Variants in KAZN observed in about 807,000 individuals in gnomAD.
KAZN encodes kazrin, periplakin interacting protein, also known as kazrin.
Under a neutral mutation model 87.4 loss-of-function variants are expected in KAZN, and 40 were observed. That is an observed-to-expected ratio of 0.46 (90% confidence interval 0.36 to 0.60). The LOEUF (loss-of-function observed/expected upper bound fraction) is 0.60. Ranked by LOEUF, KAZN falls within the 20% of genes least tolerant of loss-of-function variation. The pLI is 0.00. For synonymous variants in KAZN, 466 were observed against 458.3 expected (o/e 1.02, Z -0.22); for missense variants, 898 against 1,073.9 (o/e 0.84, Z 2.29).
chr1:15,066,930 C>A lies in KAZN; in HGVS notation c.1222+1177C>A. On this transcript the variant is annotated intron_variant, in intron 8 of 14. Coordinates refer to ENST00000376030, the MANE Select transcript of KAZN (RefSeq NM_201628.3). The surrounding 1 kb of genome is among the most constrained non-coding windows in gnomAD (Gnocchi z 4.3). Reference sequence around the variant, plus strand: ...ATATTTATTTATCTGACATACAGAACACGACTTTAGTGAGCAGAGTGCTGA... The same window carrying A: ...ATATTTATTTATCTGACATACAGAAAACGACTTTAGTGAGCAGAGTGCTGA... The A allele has an allele frequency of 1.1e-5, 11 of 985,470 alleles. No homozygotes were observed. Among genetic ancestry groups the A allele is most frequent in the Non-Finnish European group, 1.3e-5 (11 of 829,954 alleles). The allele number at this position is 985,470 out of a possible 1,614,324, so 61.0% of individuals were successfully genotyped here.
At chr1:14,025,914 C>T (rs1456892200) in intron 1 of KAZN, among the ~76,000 whole-genome samples, 1 of 152,100 alleles carries the variant, frequency 6.6e-6, no homozygotes, top group Non-Finnish European at 1.5e-5. Flanking sequence ...ACTATAGACT[C>T]TTCAACTGGA....
At chr1:14,870,825 C>T (rs1260783624) in intron 1 of KAZN, among the ~76,000 whole-genome samples, 2 of 152,288 alleles carry the variant, frequency 1.3e-5, no homozygotes, top group East Asian at 3.9e-4. Context: ...CTCATTATTA[C>T]ATATATGAAT....
chr1:14,415,247 T>C (rs1664653379), intron 2 of KAZN, among the ~76,000 whole-genome samples: 1 of 152,104 alleles, frequency 6.6e-6, no homozygotes, highest in African/African-American at 2.4e-5. Context: ...TTTTAATTAG[T>C]AAAAGTAAAT....
At chr1:14,203,004 C>G (rs1327073340) in intron 2 of KAZN, among the ~76,000 whole-genome samples, 1 of 151,952 alleles carries the variant, frequency 6.6e-6, no homozygotes, top group Non-Finnish European at 1.5e-5. Flanking sequence ...GCGACAAGAG[C>G]AAAACTCCGT....
At chr1:14,003,515 A>T (rs1639900468) in intron 1 of KAZN, among the ~76,000 whole-genome samples, 3 of 152,096 alleles carry the variant, frequency 2.0e-5, no homozygotes. Flanking sequence ...ATAAGAGTAT[A>T]ATACTGACAC....
intron 1 of KAZN, among the ~76,000 whole-genome samples, chr1:14,617,532 C>T (rs953172743): frequency 4.6e-5 from 7 of 152,148 alleles, no homozygotes; most frequent in African/African-American, 1.2e-4. Flanking sequence ...TTGGTATCTA[C>T]GAAGCGCAGT....
At chr1:14,221,567 G>T (rs1647098772) in intron 2 of KAZN, among the ~76,000 whole-genome samples, 1 of 152,016 alleles carries the variant, frequency 6.6e-6, no homozygotes, top group African/African-American at 2.4e-5. Flanking sequence ...GAAAATCACT[G>T]CAGAGCTTGC....
intron 2 of KAZN, among the ~76,000 whole-genome samples, chr1:14,473,519 T>C (rs1319601407): frequency 6.6e-6 from 1 of 151,190 alleles, no homozygotes; most frequent in African/African-American, 2.4e-5. Flanking sequence ...TCCAGCTACT[T>C]GGGAAGCTGA....
chr1:14,116,420 T>A (rs12062438), intron 1 of KAZN, among the ~76,000 whole-genome samples: 12,765 of 152,170 alleles, frequency 0.084, 1,041 homozygotes, highest in African/African-American at 0.21. Context: ...CTTCAGAGGG[T>A]GCAAGCCTCA....
intron 1 of KAZN, among the ~76,000 whole-genome samples, chr1:13,972,366 C>G (rs552857587): frequency 6.6e-6 from 1 of 151,190 alleles, no homozygotes; most frequent in Non-Finnish European, 1.5e-5. Flanking sequence ...CTCTGCCTCC[C>G]GAATGCCACC....
chr1:14,004,367 A>G (rs1639944758), intron 1 of KAZN, among the ~76,000 whole-genome samples: 1 of 152,256 alleles, frequency 6.6e-6, no homozygotes, highest in Non-Finnish European at 1.5e-5. Context: ...TCTGAAATGC[A>G]TATGTATGTT....
Position 14,743,362 on chromosome 1 carries a change from G to A in KAZN, c.226+144139G>A, listed in dbSNP as rs766524073. On this transcript the variant is annotated intron_variant, in intron 1 of 14. Transcript: ENST00000376030. ...GGAGAATCACTTGAACCTGGGAGGC[G>A]GAGGTTACAGTGAGCTGAGATCGCG... is the stretch of plus-strand genomic sequence containing the variant. Among the ~76,000 whole-genome samples the A allele has an allele frequency of 8.6e-5, 13 of 151,942 alleles. 1 individual carries two copies. Among genetic ancestry groups the A allele is most frequent in the South Asian group, 4.2e-4 (2 of 4,814 alleles).
chr1:14,634,497 T>C (rs1679816655), intron 1 of KAZN, among the ~76,000 whole-genome samples: 1 of 152,268 alleles, frequency 6.6e-6, no homozygotes, highest in African/African-American at 2.4e-5. Flanking sequence ...AGGTCCATCA[T>C]TGCTTCTCAT....
At chr1:14,006,715 A>T (rs1218246416) in intron 1 of KAZN, among the ~76,000 whole-genome samples, 1 of 152,120 alleles carries the variant, frequency 6.6e-6, no homozygotes, top group Non-Finnish European at 1.5e-5. Flanking sequence ...TGCCAGTACC[A>T]TCCTGTTTTG....
At chr1:14,768,941 C>T (rs934418933) in intron 1 of KAZN, among the ~76,000 whole-genome samples, 1 of 152,216 alleles carries the variant, frequency 6.6e-6, no homozygotes, top group Admixed American at 6.5e-5. Context: ...TTAAAAAGTA[C>T]CATCACATTG....
chr1:14,355,086 G>A (rs989652325), intron 2 of KAZN, among the ~76,000 whole-genome samples: 8 of 152,044 alleles, frequency 5.3e-5, no homozygotes, highest in African/African-American at 1.2e-4. Context: ...GAAAAAGCCC[G>A]ACACCAAAGA....
At chr1:14,767,918 AAT>A (rs2100577840) in intron 1 of KAZN, among the ~76,000 whole-genome samples, 1 of 152,318 alleles carries the variant, frequency 6.6e-6, no homozygotes, top group South Asian at 2.1e-4. Context: ...CATTCCAGAG[AAT>A]ATTACCGAGG....
chr1:15,049,408 G>A (rs1269092345), intron 4 of KAZN, among the ~76,000 whole-genome samples: 1 of 152,210 alleles, frequency 6.6e-6, no homozygotes, highest in Admixed American at 6.5e-5. Flanking sequence ...TGGTGGGGCT[G>A]CCCTGTGCTC....
intron 8 of KAZN, among the ~76,000 whole-genome samples, chr1:15,078,558 T>C (rs1639858399): frequency 6.6e-6 from 1 of 152,160 alleles, no homozygotes; most frequent in African/African-American, 2.4e-5. Context: ...ATTCAAGGGC[T>C]GGAGGGAGGC....
Sources: gnomAD v4.1 joint callset for allele counts (sites outside exome capture counted in the v4.1 genomes callset) on GRCh38, gnomAD v4.1.1 for gene constraint, Gnocchi (gnomAD v3.1) non-coding constraint, MANE v1.5 for transcripts, NCBI Gene and HGNC (gene_info 2026-07-23, HGNC 2026-07-21) for gene names.